CCDC148: variants seen among roughly 807,000 people sequenced by gnomAD.
CCDC148 encodes coiled-coil domain-containing protein 148.
In CCDC148, 89 loss-of-function variants were observed where a neutral mutation model predicts 85.7. The observed-to-expected ratio is 1.04, with a 90% confidence interval of 0.87 to 1.24. The LOEUF (loss-of-function observed/expected upper bound fraction) is 1.24, where lower values mean the gene tolerates loss of function less well. CCDC148 is among the 50% of genes most tolerant of loss of function. CCDC148 has a pLI of 0.00. For synonymous variants in CCDC148, 230 were observed against 213.9 expected, an observed-to-expected ratio of 1.08 and a Z score of -0.66; for missense variants, 692 against 671.7, an observed-to-expected ratio of 1.03 and a Z score of -0.33.
At chr2:158,444,237 T>A (rs536186468) in intron 1 of CCDC148, among the ~76,000 whole-genome samples, 43 of 152,148 alleles carry the variant, frequency 2.8e-4, no homozygotes, top group South Asian at 6.2e-4. Context: ...GTGAAATGAC[T>A]GAATCTTATT....
At chr2:158,363,474 G>A (rs1359960331) in intron 1 of CCDC148, among the ~76,000 whole-genome samples, 2 of 152,150 alleles carry the variant, frequency 1.3e-5, no homozygotes, top group African/African-American at 4.8e-5. Context: ...CCATGATCAA[G>A]TCGGCTTCAT....
At chr2:158,280,033 A>G (rs1212662549) in intron 9 of CCDC148, among the ~76,000 whole-genome samples, 2 of 151,848 alleles carry the variant, frequency 1.3e-5, no homozygotes, top group Non-Finnish European at 2.9e-5. Flanking sequence ...ACTAAGCTTC[A>G]TAAGTGAAGG....
At chr2:158,334,111 A>G (rs747412788) in intron 7 of CCDC148, among the ~76,000 whole-genome samples, 23 of 152,132 alleles carry the variant, frequency 1.5e-4, no homozygotes, top group Non-Finnish European at 2.6e-4. Context: ...AAAACTCACA[A>G]AAGTGTGGAG....
chr2:158,438,571 A>G (rs1350127966), intron 1 of CCDC148, among the ~76,000 whole-genome samples: 2 of 152,216 alleles, frequency 1.3e-5, no homozygotes, highest in Non-Finnish European at 2.9e-5. Context: ...ATGGGCAAGG[A>G]CTTCATGTCC....
At chr2:158,366,064 A>G in intron 1 of CCDC148, 2 of 1,538,648 alleles carry the variant, frequency 1.3e-6, no homozygotes, top group Middle Eastern at 1.7e-4. Flanking sequence ...TCTTTGATTC[A>G]TGTTTTCCGT....
intron 1 of CCDC148, among the ~76,000 whole-genome samples, chr2:158,427,909 A>T (rs1247112535): frequency 6.6e-6 from 1 of 152,220 alleles, no homozygotes; most frequent in African/African-American, 2.4e-5. Flanking sequence ...AAAAACTGAA[A>T]GAAGCCAGTT....
At chr2:158,266,854 CTG>C (rs147618414) in intron 9 of CCDC148, among the ~76,000 whole-genome samples, 92 of 149,208 alleles carry the variant, frequency 6.2e-4, no homozygotes, top group African/African-American at 1.7e-3. Flanking sequence ...GTGTGTGTGT[CTG>C]TGTGTGTGTG....
At chr2:158,225,723 T>G (rs1352734806) in intron 10 of CCDC148, among the ~76,000 whole-genome samples, 1 of 152,104 alleles carries the variant, frequency 6.6e-6, no homozygotes, top group East Asian at 1.9e-4. Context: ...CATAATGAAA[T>G]GAAGGCAGAA....
intron 9 of CCDC148, among the ~76,000 whole-genome samples, chr2:158,251,356 G>T (rs1688786294): frequency 6.6e-6 from 1 of 151,692 alleles, no homozygotes; most frequent in South Asian, 2.1e-4. Context: ...AAACAGGCCT[G>T]AATTAAGATG....
intron 1 of CCDC148, among the ~76,000 whole-genome samples, chr2:158,417,575 G>C (rs1686559354): frequency 6.6e-6 from 1 of 152,166 alleles, no homozygotes; most frequent in African/African-American, 2.4e-5. Flanking sequence ...CTATACTGCA[G>C]TCTGAGGCCT....
intron 1 of CCDC148, among the ~76,000 whole-genome samples, chr2:158,386,223 G>T (rs1685082112): frequency 6.6e-6 from 1 of 152,020 alleles, no homozygotes; most frequent in African/African-American, 2.4e-5. Flanking sequence ...TTTTTCAGGT[G>T]AAAAAACTGA....
intron 7 of CCDC148, among the ~76,000 whole-genome samples, chr2:158,335,309 C>T (rs1360499449): frequency 6.6e-6 from 1 of 152,186 alleles, no homozygotes; most frequent in Admixed American, 6.5e-5. Context: ...CCTATGCTAA[C>T]CCTACTCATT....
At chr2:158,265,573 A>G (rs1220134889) in intron 9 of CCDC148, among the ~76,000 whole-genome samples, 1 of 152,162 alleles carries the variant, frequency 6.6e-6, no homozygotes, top group African/African-American at 2.4e-5. Context: ...AGTATATTTT[A>G]AAGAGTTAGT....
At chr2:158,295,902 G>T (rs963593045) in intron 9 of CCDC148, among the ~76,000 whole-genome samples, 1 of 151,950 alleles carries the variant, frequency 6.6e-6, no homozygotes, top group Non-Finnish European at 1.5e-5. Flanking sequence ...AGGAAATAAA[G>T]GGTATTCAAT....
intron 7 of CCDC148, among the ~76,000 whole-genome samples, chr2:158,331,319 G>A (rs945652655): frequency 2.0e-5 from 3 of 152,160 alleles, no homozygotes; most frequent in African/African-American, 7.2e-5. Context: ...GAGCAGTTTT[G>A]AGTGAGTTTC....
intron 1 of CCDC148, among the ~76,000 whole-genome samples, chr2:158,391,902 G>C (rs995952744): frequency 1.3e-5 from 2 of 152,088 alleles, no homozygotes; most frequent in Non-Finnish European, 2.9e-5. Flanking sequence ...GAGGGGATGA[G>C]ACCTGGAGGA....
At chr2:158,420,869 C>T (rs1686744903) in intron 1 of CCDC148, among the ~76,000 whole-genome samples, 1 of 149,206 alleles carries the variant, frequency 6.7e-6, no homozygotes, top group Non-Finnish European at 1.5e-5. Flanking sequence ...AACATAGGCT[C>T]AAAATAAAGG....
rs1559049522 is a variant in CCDC148 at position 158,293,956 on chromosome 2, C to CCTTCCTTCCTT, written c.1110+15476_1110+15477insAAGGAAGGAAG. Among the ~76,000 whole-genome samples, 26 of 38,818 alleles carry CCTTCCTTCCTT rather than the reference C, an allele frequency of 6.7e-4. 1 individual carries two copies. Among genetic ancestry groups the CCTTCCTTCCTT allele is most frequent in the South Asian group, 1.4e-3 (1 of 692 alleles). 25.5% of individuals were successfully genotyped at this position (38,818 alleles called of 152,430 possible). The stretch of plus-strand genomic sequence containing the variant: ...TGCCTTCCTGCCTTCCTTCCCCTCT[C>CCTTCCTTCCTT]CCTCCCTCCCTCCCTCCCCCCCCCC... On this transcript the variant is annotated intron_variant, in intron 9 of 13. Coordinates refer to ENST00000283233, the MANE Select transcript of CCDC148 (RefSeq NM_138803.4).
At chr2:158,413,014 T>C (rs1242149255) in intron 1 of CCDC148, among the ~76,000 whole-genome samples, 1 of 151,958 alleles carries the variant, frequency 6.6e-6, no homozygotes, top group African/African-American at 2.4e-5. Flanking sequence ...TATTAAAAAT[T>C]AGTTTTGTAA....
Sources: gnomAD v4.1 joint callset for allele counts (sites outside exome capture counted in the v4.1 genomes callset) on GRCh38, gnomAD v4.1.1 for gene constraint, MANE v1.5 for transcripts, NCBI Gene and HGNC (gene_info 2026-07-23, HGNC 2026-07-21) for gene names.